The following RARB variants were observed in gnomAD, a reference collection of about 807,000 sequenced individuals.
The protein encoded by RARB is retinoic acid receptor beta.
In RARB, 17 loss-of-function variants were observed where a neutral mutation model predicts 51.9. The observed-to-expected ratio is 0.33, with a 90% confidence interval of 0.22 to 0.49. The LOEUF is 0.49. Ranked by LOEUF, RARB falls within the 20% of genes least tolerant of loss-of-function variation. The pLI is 0.99. For synonymous variants in RARB, 215 were observed against 195.4 expected (o/e 1.10, Z -0.84); for missense variants, 369 against 550.8 (o/e 0.67, Z 3.30).
intron 5 of RARB, among the ~76,000 whole-genome samples, chr3:25,308,495 C>T (rs1019916091): frequency 5.5e-5 from 8 of 144,958 alleles, no homozygotes; most frequent in Non-Finnish European, 1.0e-4. Flanking sequence ...CTTGCCCAGG[C>T]TGGAGTGCAG....
intron 5 of RARB, among the ~76,000 whole-genome samples, chr3:25,256,974 A>G (rs73151281): frequency 0.011 from 1,734 of 152,200 alleles, 28 homozygotes; most frequent in African/African-American, 0.04. Flanking sequence ...CTTGCCCAAA[A>G]TATCATACGA....
intron 7 of RARB, among the ~76,000 whole-genome samples, chr3:25,595,297 A>G (rs1701775236): frequency 6.6e-6 from 1 of 150,402 alleles, no homozygotes; most frequent in African/African-American, 2.5e-5. Context: ...CAAATGGGCT[A>G]TTGTCATTCT....
chr3:25,179,012 C>G (rs1002790577), intron 5 of RARB, among the ~76,000 whole-genome samples: 1 of 152,228 alleles, frequency 6.6e-6, no homozygotes, highest in African/African-American at 2.4e-5. Flanking sequence ...TAGTTTAACT[C>G]CAGCATCTTA....
At chr3:25,307,803 G>A (rs1704189322) in intron 5 of RARB, among the ~76,000 whole-genome samples, 1 of 152,154 alleles carries the variant, frequency 6.6e-6, no homozygotes, top group Non-Finnish European at 1.5e-5. Flanking sequence ...GTCTATAGTA[G>A]GGGGTTGCAA....
intron 5 of RARB, among the ~76,000 whole-genome samples, chr3:25,382,804 G>A (rs1223150883): frequency 1.3e-5 from 2 of 152,184 alleles, no homozygotes; most frequent in African/African-American, 4.8e-5. Flanking sequence ...GTTGCAGTGA[G>A]CTGAGATCAT....
At chr3:25,006,370 G>A (rs1431919451) in intron 2 of RARB, among the ~76,000 whole-genome samples, 1 of 152,096 alleles carries the variant, frequency 6.6e-6, no homozygotes, top group African/African-American at 2.4e-5. Context: ...TCTTATAGTA[G>A]GAGATAAATA....
chr3:24,903,430 C>T (rs534612682), intron 2 of RARB, among the ~76,000 whole-genome samples: 1 of 152,224 alleles, frequency 6.6e-6, no homozygotes, highest in African/African-American at 2.4e-5. Context: ...CTATTAAACA[C>T]ATTTTAAAAG....
intron 2 of RARB, among the ~76,000 whole-genome samples, chr3:24,957,495 A>G (rs1175063940): frequency 1.3e-5 from 2 of 152,212 alleles, no homozygotes; most frequent in Non-Finnish European, 2.9e-5. Flanking sequence ...TGGGAGAGTG[A>G]CCAAAGAAAA....
chr3:25,467,713 C>G (rs1029245184), intron 2 of RARB, among the ~76,000 whole-genome samples: 1 of 152,222 alleles, frequency 6.6e-6, no homozygotes, highest in Admixed American at 6.5e-5. Context: ...CCAGAACTTG[C>G]ATTTGGTTAC....
At chr3:25,297,324 A>C (rs1703936960) in intron 5 of RARB, among the ~76,000 whole-genome samples, 1 of 151,882 alleles carries the variant, frequency 6.6e-6, no homozygotes, top group Non-Finnish European at 1.5e-5. Flanking sequence ...AGGAGCTTAC[A>C]ATCAGTTCAC....
intron 1 of RARB, among the ~76,000 whole-genome samples, chr3:25,431,473 A>C (rs992097358): frequency 6.6e-6 from 1 of 152,182 alleles, no homozygotes; most frequent in Non-Finnish European, 1.5e-5. Flanking sequence ...TTAGGGGACT[A>C]CTAAGGGAAT....
chr3:24,914,730 G>A (rs1031326815), intron 2 of RARB, among the ~76,000 whole-genome samples: 6 of 152,070 alleles, frequency 3.9e-5, no homozygotes, highest in African/African-American at 1.2e-4. Flanking sequence ...TTCAGTACAG[G>A]TACAACCATT....
intron 1 of RARB, among the ~76,000 whole-genome samples, chr3:25,435,660 A>T (rs948022580): frequency 6.6e-6 from 1 of 152,196 alleles, no homozygotes; most frequent in African/African-American, 2.4e-5. Context: ...TAATTATTTC[A>T]TTATGGTCCT....
At chr3:25,579,878 A>G (rs1343331607) in intron 4 of RARB, among the ~76,000 whole-genome samples, 2 of 152,192 alleles carry the variant, frequency 1.3e-5, no homozygotes, top group East Asian at 3.9e-4. Context: ...CCATCAGGAC[A>G]TCAGCATGAC....
intron 5 of RARB, among the ~76,000 whole-genome samples, chr3:25,366,283 T>G (rs1156615103): frequency 6.6e-6 from 1 of 152,212 alleles, no homozygotes; most frequent in Non-Finnish European, 1.5e-5. Flanking sequence ...GAGAAAAGAT[T>G]TGAACCTACA....
At chr3:25,230,781 C>A (rs1237612313) in intron 5 of RARB, among the ~76,000 whole-genome samples, 1 of 152,032 alleles carries the variant, frequency 6.6e-6, no homozygotes. Context: ...TGTTATAGTG[C>A]TGTTCAATAG....
chr3:25,120,527 A>ATCTCTCACTCTCTCTCTCTC (rs1699766195), intron 3 of RARB, among the ~76,000 whole-genome samples: 1 of 136,062 alleles, frequency 7.3e-6, no homozygotes. Context: ...ATATATAAAA[A>ATCTCTCACTCTCTCTCTCTC]TCTCTCTCTC....
chr3:25,401,570 G>T (rs376815688), intron 5 of RARB, among the ~76,000 whole-genome samples: 28 of 152,030 alleles, frequency 1.8e-4, no homozygotes, highest in African/African-American at 6.8e-4. Context: ...CAGAAAACTG[G>T]ACTTTATTAA....
intron 3 of RARB, among the ~76,000 whole-genome samples, chr3:25,089,139 GA>G (rs1252175452): frequency 1.1e-4 from 16 of 151,346 alleles, no homozygotes; most frequent in Non-Finnish European, 1.9e-4. Flanking sequence ...AGAGTGAGCC[GA>G]TTTTTTTTTT....
Sources: allele counts gnomAD v4.1 joint callset (sites outside exome capture counted in the v4.1 genomes callset), GRCh38; gene constraint gnomAD v4.1.1; transcripts MANE v1.5; gene names NCBI Gene and HGNC (gene_info 2026-07-23, HGNC 2026-07-21).